The following STARD13 variants were observed in gnomAD, a reference collection of about 807,000 sequenced individuals.
The protein encoded by STARD13 is StAR related lipid transfer domain containing 13.
A neutral mutation model predicts 106.4 loss-of-function variants in STARD13; 62 were observed. The observed-to-expected ratio is 0.58, with a 90% CI of 0.48 to 0.72. The LOEUF (loss-of-function observed/expected upper bound fraction) is 0.72. STARD13 is among the 30% of genes least tolerant of loss of function. The probability of loss-of-function intolerance (pLI) is 0.00; values close to 1 mark genes in which losing one functional copy is unlikely to be tolerated. For synonymous variants in STARD13, 565 were observed against 553.0 expected, an observed-to-expected ratio of 1.02 and a Z score of -0.31; for missense variants, 1,387 against 1,424.0, an observed-to-expected ratio of 0.97 and a Z score of 0.42.
intron 1 of STARD13, chr13:33,188,079 G>T (rs887317075): frequency 1.3e-5 from 2 of 152,230 alleles, no homozygotes; most frequent in Non-Finnish European, 2.9e-5. Context: ...CCTGGTTGCT[G>T]GGCCATGGGA....
chr13:33,124,435 GAGTCTTCTTCCTCCA>G (rs1374608179), intron 7 of STARD13, among the ~76,000 whole-genome samples: 109 of 152,314 alleles, frequency 7.2e-4, no homozygotes, highest in African/African-American at 2.5e-3. Context: ...ATCTTGAAAT[GAGTCTTCTTCCTCCA>G]AGCCTTTGCC....
the STARD13 span, among the ~76,000 whole-genome samples, chr13:33,638,548 G>A: frequency 6.6e-6 from 1 of 152,172 alleles, no homozygotes; most frequent in Non-Finnish European, 1.5e-5. Flanking sequence ...GGATTGTAGA[G>A]ACCAAGTTCC....
the STARD13 span, among the ~76,000 whole-genome samples, chr13:33,605,644 G>A: frequency 1.5e-4 from 23 of 152,162 alleles, no homozygotes; most frequent in African/African-American, 3.6e-4. Context: ...TTTGAATAGC[G>A]CTGTTCTAGG....
the STARD13 span, among the ~76,000 whole-genome samples, chr13:33,494,046 C>T: frequency 2.0e-5 from 3 of 152,296 alleles, no homozygotes; most frequent in South Asian, 6.2e-4. Flanking sequence ...CCTGATTACC[C>T]AGAGTTAGCT....
At chr13:33,327,574 T>C (rs1340919260) in intron 1 of STARD13, among the ~76,000 whole-genome samples, 1 of 152,208 alleles carries the variant, frequency 6.6e-6, no homozygotes, top group South Asian at 2.1e-4. Flanking sequence ...TCTTGCTATG[T>C]TGCCCAGGTT....
the STARD13 span, among the ~76,000 whole-genome samples, chr13:33,451,722 C>T: frequency 6.6e-6 from 1 of 151,392 alleles, no homozygotes; most frequent in Non-Finnish European, 1.5e-5. Flanking sequence ...GTGGTTATAC[C>T]GAGAATAAGA....
intron 3 of STARD13, among the ~76,000 whole-genome samples, chr13:33,163,655 A>T (rs535524815): frequency 1.6e-5 from 2 of 127,194 alleles, no homozygotes; most frequent in South Asian, 4.5e-4. Context: ...TATATATATA[A>T]AACATATATA....
chr13:33,246,162 C>A (rs889275592), intron 1 of STARD13, among the ~76,000 whole-genome samples: 1 of 152,106 alleles, frequency 6.6e-6, no homozygotes, highest in Non-Finnish European at 1.5e-5. Flanking sequence ...GACATAAATG[C>A]TTTGTCTGTC....
At chr13:33,350,272 C>G in intron 1 of STARD13, 1 of 1,521,842 alleles carries the variant, frequency 6.6e-7, no homozygotes, top group Non-Finnish European at 8.8e-7. Flanking sequence ...TGGGTCGCGG[C>G]GTCTCCGGGG....
the STARD13 span, among the ~76,000 whole-genome samples, chr13:33,449,768 C>A: frequency 6.6e-6 from 1 of 151,916 alleles, no homozygotes; most frequent in South Asian, 2.1e-4. Context: ...GTGTCTTCTT[C>A]AATTTTTTTG....
chr13:33,269,209 C>T (rs577491638), intron 1 of STARD13, among the ~76,000 whole-genome samples: 9 of 152,156 alleles, frequency 5.9e-5, no homozygotes, highest in Admixed American at 2.0e-4. Flanking sequence ...ACCCTTTTCC[C>T]TAAAAACTAC....
upstream of STARD13, chr13:33,285,890 A>T (rs1892039175): frequency 1.5e-5 from 10 of 653,162 alleles, no homozygotes; most frequent in East Asian, 4.4e-4. Flanking sequence ...GACCAGAGGC[A>T]GTTCCAGCCG....
At chr13:33,283,103 G>C (rs1891881984) in intron 1 of STARD13, among the ~76,000 whole-genome samples, 1 of 152,168 alleles carries the variant, frequency 6.6e-6, no homozygotes, top group African/African-American at 2.4e-5. Context: ...ACTGGTTAAA[G>C]AGAATAAAAC....
chr13:33,281,431 T>C (rs1359809233), intron 1 of STARD13: 1 of 152,120 alleles, frequency 6.6e-6, no homozygotes, highest in Non-Finnish European at 1.5e-5. Context: ...TGTGTGTGTG[T>C]GTGTGTGTGT....
chr13:33,243,951 G>A (rs147519398), intron 1 of STARD13, among the ~76,000 whole-genome samples: 39 of 152,094 alleles, frequency 2.6e-4, no homozygotes, highest in African/African-American at 9.2e-4. Flanking sequence ...TATTTGGATG[G>A]GAATAGAGGT....
At chr13:33,338,905 A>AG (rs2077928031) in intron 1 of STARD13, among the ~76,000 whole-genome samples, 1 of 16,522 alleles carries the variant, frequency 6.1e-5, no homozygotes, top group Non-Finnish European at 1.8e-4. Context: ...AAAAAAAAAA[A>AG]GAAAGAAAGA....
chr13:33,217,368 C>T (rs927776663), intron 1 of STARD13, among the ~76,000 whole-genome samples: 6 of 152,326 alleles, frequency 3.9e-5, no homozygotes, highest in Admixed American at 2.0e-4. Flanking sequence ...TGCCTCCTGC[C>T]TTTCACCTCC....
the STARD13 span, among the ~76,000 whole-genome samples, chr13:33,656,081 G>C: frequency 6.6e-6 from 1 of 152,002 alleles, no homozygotes; most frequent in Non-Finnish European, 1.5e-5. Context: ...CCACTTTCTG[G>C]CTTCATTTTT....
chr13:33,249,730 C>T (rs1000235493), intron 1 of STARD13, among the ~76,000 whole-genome samples: 1 of 152,178 alleles, frequency 6.6e-6, no homozygotes, highest in Admixed American at 6.5e-5. Context: ...CTTCCTCAAA[C>T]TGTCTCCCTT....
Sources: gnomAD v4.1 joint callset for allele counts (sites outside exome capture counted in the v4.1 genomes callset) on GRCh38, gnomAD v4.1.1 for gene constraint, MANE v1.5 for transcripts, NCBI Gene and HGNC (gene_info 2026-07-23, HGNC 2026-07-21) for gene names.